The following DCLK1 variants were observed in gnomAD, a reference collection of about 807,000 sequenced individuals.
The protein encoded by DCLK1 is doublecortin like kinase 1.
A neutral mutation model predicts 86.2 loss-of-function variants in DCLK1; 16 were observed. The observed-to-expected ratio is 0.19, with a 90% CI of 0.13 to 0.28. The LOEUF (loss-of-function observed/expected upper bound fraction) is 0.28. Among genes scored for constraint, DCLK1 ranks in the 10% least tolerant of loss-of-function variants. The probability of loss-of-function intolerance (pLI) is 1.00; values close to 1 mark genes in which losing one functional copy is unlikely to be tolerated. For missense variants in DCLK1, 590 were observed against 940.2 expected (o/e 0.63, Z 4.87); for synonymous variants, 369 against 370.5 (o/e 1.00, Z 0.05).
intron 3 of DCLK1, among the ~76,000 whole-genome samples, chr13:36,081,739 GCTCT>G (rs1390699251): frequency 2.0e-5 from 3 of 152,134 alleles, no homozygotes; most frequent in Non-Finnish European, 4.4e-5. Context: ...GCTTGAATAT[GCTCT>G]CTAACTTCTT....
intron 4 of DCLK1, among the ~76,000 whole-genome samples, chr13:35,939,508 G>A (rs772137980): frequency 2.6e-5 from 4 of 152,166 alleles, no homozygotes; most frequent in African/African-American, 7.2e-5. Context: ...GGGCTCAAGC[G>A]ATCCTCCCAC....
At chr13:35,870,996 C>G (rs777372485) in intron 5 of DCLK1, among the ~76,000 whole-genome samples, 28 of 152,190 alleles carry the variant, frequency 1.8e-4, no homozygotes, top group Admixed American at 3.3e-4. Context: ...GTGGGCAAAT[C>G]TGGGTTTCCT....
chr13:35,778,133 T>A (rs2086458416), intron 16 of DCLK1, among the ~76,000 whole-genome samples: 1 of 152,194 alleles, frequency 6.6e-6, no homozygotes, highest in Non-Finnish European at 1.5e-5. Context: ...TTTTGAGATA[T>A]GAGAAAGTAC....
intron 3 of DCLK1, among the ~76,000 whole-genome samples, chr13:36,081,275 A>T (rs1041464909): frequency 2.6e-5 from 4 of 152,130 alleles, no homozygotes; most frequent in African/African-American, 9.7e-5. Flanking sequence ...CTAACATCTC[A>T]TTAAATACTG....
chr13:35,781,462 G>A lies in DCLK1; in HGVS notation c.2059-6763C>T, dbSNP rs9574574. Among the ~76,000 whole-genome samples, 7 of 152,160 alleles carry A rather than the reference G, an allele frequency of 4.6e-5. No homozygotes were observed. In the East Asian group the frequency reaches 1.4e-3, roughly 29 times the overall value. ...CTTAATGGGTTATGTTTTTCTCTTAGCAAACAATAGGCCTTACAGTCTATG... is the reference window on the plus strand; with the variant it reads ...CTTAATGGGTTATGTTTTTCTCTTAACAAACAATAGGCCTTACAGTCTATG... On this transcript the variant is annotated intron_variant, in intron 16 of 16. Coordinates refer to ENST00000360631, the MANE Select transcript of DCLK1 (RefSeq NM_001330071.2).
chr13:35,810,876 G>C lies in DCLK1; in HGVS notation c.1647C>G (p.Gly549=). The C allele has an allele frequency of 6.2e-7, 1 of 1,614,034 alleles. No homozygotes were observed. Among genetic ancestry groups the C allele is most frequent in the Non-Finnish European group, 8.5e-7 (1 of 1,179,948 alleles). Residue 549 remains glycine, a synonymous_variant, in exon 12 of 17, where the codon GGC becomes GGG. Transcript: ENST00000360631. ...IVDGPLYTVC[G]TPTYVAPEII... ...TTTCTGGAGCCACGTATGTTGGGGT[G>C]CCACAGACTGTGTACAGGGGGCCGT...
chr13:36,081,462 C>T (rs1884417901), intron 3 of DCLK1, among the ~76,000 whole-genome samples: 1 of 152,024 alleles, frequency 6.6e-6, no homozygotes, highest in African/African-American at 2.4e-5. Flanking sequence ...CTTAAAAAGA[C>T]CACTCATAGT....
chr13:36,110,990 C>A (rs890318313), intron 3 of DCLK1, among the ~76,000 whole-genome samples: 1 of 151,878 alleles, frequency 6.6e-6, no homozygotes, highest in South Asian at 2.1e-4. Context: ...ACCACCACAC[C>A]CAGGTAATTT....
chr13:35,880,338 C>T (rs1392766832), intron 4 of DCLK1, among the ~76,000 whole-genome samples: 3 of 152,122 alleles, frequency 2.0e-5, no homozygotes, highest in Admixed American at 6.5e-5. Flanking sequence ...TTGCTGTGTG[C>T]GAACCCGAGT....
chr13:35,850,836 C>T (rs1870570400), intron 6 of DCLK1: 1 of 1,468,026 alleles, frequency 6.8e-7, no homozygotes, highest in Admixed American at 2.2e-5. Context: ...CCCTGTGGCT[C>T]TCGTGAGAGC....
In DCLK1 at chr13:35,899,366, TGTGA is replaced by T. The variant is rs767475368; in HGVS notation, c.824-28030_824-28027del. On this transcript the variant is annotated intron_variant, in intron 4 of 16. Coordinates refer to ENST00000360631, the MANE Select transcript of DCLK1 (RefSeq NM_001330071.2). ...GTGTGTGTGTGTGTGTGTGTGTGTG[TGTGA>T]GAGAGAGAGAGAGAGAGAGAAAGAA... Among the ~76,000 whole-genome samples the T allele has an allele frequency of 6.8e-3, 599 of 88,524 alleles. 1 individual carries two copies. The highest frequency in any genetic ancestry group is 0.018 in the African/African-American group (431 of 23,642). 58.1% of individuals were successfully genotyped at this position (88,524 alleles called of 152,430 possible). A position where few individuals can be genotyped will look rare whatever the true frequency, so the allele number is the denominator to read the frequency against.
chr13:35,863,548 G>A (rs1029357288), intron 5 of DCLK1, among the ~76,000 whole-genome samples: 1 of 152,210 alleles, frequency 6.6e-6, no homozygotes, highest in South Asian at 2.1e-4. Flanking sequence ...GAAATGGAAG[G>A]AGGGATGAGC....
At chr13:35,879,698 G>A (rs141874456) in intron 4 of DCLK1, among the ~76,000 whole-genome samples, 12 of 152,282 alleles carry the variant, frequency 7.9e-5, no homozygotes, top group African/African-American at 2.6e-4. Context: ...CCGGGGGAAA[G>A]CAGAAAAAGA....
In DCLK1 at chr13:36,116,491, C is replaced by T. The variant is rs76656121; in HGVS notation, c.377-4276G>A. 4.9e-3 allele frequency among the ~76,000 whole-genome samples: 753 copies of T among 152,164 alleles called. 8 individuals carry two copies. Among genetic ancestry groups the T allele is most frequent in the African/African-American group, 0.017 (725 of 41,520 alleles). On this transcript the variant is annotated intron_variant, in intron 2 of 16. Coordinates refer to ENST00000360631, the MANE Select transcript of DCLK1 (RefSeq NM_001330071.2). ...TGTCAGCTATAAAAGTGTTCCTCCA[C>T]GAGACTCTATATTGGGGGATTCTAC...
chr13:35,810,687 TA>T (rs747536163), intron 12 of DCLK1, 147 bp downstream of exon 12: 3 of 1,072,344 alleles, frequency 2.8e-6, no homozygotes, highest in Non-Finnish European at 3.9e-6. Context: ...CTGTAAATGT[TA>T]AAGAATAAAA....
intron 6 of DCLK1, among the ~76,000 whole-genome samples, chr13:35,845,680 T>A (rs1364162591): frequency 6.6e-6 from 1 of 152,224 alleles, no homozygotes; most frequent in Non-Finnish European, 1.5e-5. Context: ...AACAGAATTT[T>A]TCATCAAATA....
At chr13:35,785,613 A>G (rs1437558728) in intron 16 of DCLK1, among the ~76,000 whole-genome samples, 2 of 152,216 alleles carry the variant, frequency 1.3e-5, no homozygotes, top group African/African-American at 4.8e-5. Flanking sequence ...TAAGAGAGAC[A>G]GACCAATTCT....
intron 3 of DCLK1, among the ~76,000 whole-genome samples, chr13:35,949,084 T>A (rs545577431): frequency 6.6e-6 from 1 of 152,206 alleles, no homozygotes; most frequent in African/African-American, 2.4e-5. Context: ...CCAATCAGCA[T>A]CTGGCAGAAA....
chr13:36,100,178 A>C (rs1885155015), intron 3 of DCLK1, among the ~76,000 whole-genome samples: 1 of 70,022 alleles, frequency 1.4e-5, no homozygotes, highest in Non-Finnish European at 2.8e-5. Context: ...CCCTGTCTCT[A>C]CAAAAAAAAA....
Sources: gnomAD v4.1 joint callset for allele counts (sites outside exome capture counted in the v4.1 genomes callset) on GRCh38, gnomAD v4.1.1 for gene constraint, MANE v1.5 for transcripts, NCBI Gene and HGNC (gene_info 2026-07-23, HGNC 2026-07-21) for gene names.